The following EYA3 variants were observed in gnomAD, a reference collection of about 807,000 sequenced individuals.
The protein encoded by EYA3 is protein phosphatase EYA3.
Under a neutral mutation model 80.0 loss-of-function variants are expected in EYA3, and 39 were observed. The ratio of observed to expected loss-of-function variants is 0.49; its 90% CI spans 0.38 to 0.64. The LOEUF is 0.64. Among genes scored for constraint, EYA3 ranks in the 30% least tolerant of loss-of-function variants. EYA3 has a pLI of 0.00. For synonymous variants in EYA3, 206 were observed against 232.8 expected (o/e 0.88, Z 1.05); for missense variants, 523 against 676.1 (o/e 0.77, Z 2.51).
chr1:28,024,551 G>A (rs1450294110), intron 7 of EYA3, among the ~76,000 whole-genome samples: 1 of 151,866 alleles, frequency 6.6e-6, no homozygotes, highest in Non-Finnish European at 1.5e-5. Context: ...CAGCTACACG[G>A]GAGGCTGAGG....
At chr1:28,034,465 C>T (rs1288005520) in intron 6 of EYA3, among the ~76,000 whole-genome samples, 1 of 152,038 alleles carries the variant, frequency 6.6e-6, no homozygotes, top group African/African-American at 2.4e-5. Context: ...GATCTGAGTA[C>T]CCTGGCTGGT....
chr1:28,003,218 T>C (rs7521893), intron 11 of EYA3, among the ~76,000 whole-genome samples: 39,300 of 151,434 alleles, frequency 0.26, 5,182 homozygotes, highest in Non-Finnish European at 0.28. Context: ...TGCAGTGAGC[T>C]GAGATCACGC....
At chr1:28,057,772 T>C (rs1644484227) in intron 2 of EYA3, among the ~76,000 whole-genome samples, 1 of 152,184 alleles carries the variant, frequency 6.6e-6, no homozygotes, top group Non-Finnish European at 1.5e-5. Flanking sequence ...CTTATTTTTT[T>C]AAATGACATT....
At chr1:28,087,713 GAAC>G (rs2148971982) in intron 1 of EYA3, among the ~76,000 whole-genome samples, 1 of 152,300 alleles carries the variant, frequency 6.6e-6, no homozygotes, top group Non-Finnish European at 1.5e-5. Flanking sequence ...ATTCTCATGG[GAAC>G]ACAAAACTGA....
At chr1:27,999,186 C>G (rs1381454834) in intron 12 of EYA3, among the ~76,000 whole-genome samples, 1 of 152,222 alleles carries the variant, frequency 6.6e-6, no homozygotes, top group Non-Finnish European at 1.5e-5. Context: ...TCCCTCCCAC[C>G]TTTGTGTCCT....
Position 28,013,427 on chromosome 1 carries a change from C to T in EYA3, c.586-133G>A. The stretch of plus-strand genomic sequence containing the variant: ...ATTAATTTGACTTCTCATTTACCTA[C>T]CTAAAAGTCTCCAATCTAAATCAAT... On this transcript the variant is annotated intron_variant, in intron 8 of 17. Transcript: ENST00000373871. This position sits in a 1 kb window ranked among gnomAD's most constrained non-coding sequence, Gnocchi z 4.0. The T allele has an allele frequency of 1.3e-6, 1 of 773,662 alleles. No individual in the cohort carries two copies. The allele number at this position is 773,662 out of a possible 1,614,324, so 47.9% of individuals were successfully genotyped here. A position where few individuals can be genotyped will look rare whatever the true frequency, so the allele number is the denominator to read the frequency against.
chr1:28,031,789 A>G (rs1191537452), intron 6 of EYA3: 1 of 152,238 alleles, frequency 6.6e-6, no homozygotes, highest in Non-Finnish European at 1.5e-5. Context: ...GATTATAAAC[A>G]AAGTATATGT....
At chr1:28,086,064 C>T (rs898717963) in intron 1 of EYA3, among the ~76,000 whole-genome samples, 2 of 152,072 alleles carry the variant, frequency 1.3e-5, no homozygotes, top group African/African-American at 4.8e-5. Flanking sequence ...TAGTCTCATT[C>T]ATATATGACA....
chr1:28,076,603 G>C (rs1298009286), intron 1 of EYA3, among the ~76,000 whole-genome samples: 1 of 149,408 alleles, frequency 6.7e-6, no homozygotes, highest in East Asian at 2.0e-4. Context: ...CCCAGGTGGA[G>C]GTTGCAGTGA....
At chr1:28,079,333 C>A (rs1177881329) in intron 1 of EYA3, among the ~76,000 whole-genome samples, 2 of 152,232 alleles carry the variant, frequency 1.3e-5, no homozygotes, top group African/African-American at 4.8e-5. Context: ...CTGTCGCAAA[C>A]CCTAATTACT....
intron 1 of EYA3, among the ~76,000 whole-genome samples, chr1:28,088,065 G>A (rs909602940): frequency 3.3e-5 from 5 of 152,188 alleles, no homozygotes; most frequent in Non-Finnish European, 7.4e-5. Flanking sequence ...AAAGTTGGGG[G>A]ACAAGGAACT....
rs140750489 is a variant in EYA3 at position 28,023,965 on chromosome 1, G to A, written c.499+3824C>T. ...ATAAAAAATAAAGTCTAGGCCAGGC[G>A]CGGTGGCTCACACCTGTCATCTCAA... is the stretch of plus-strand genomic sequence containing the variant. On this transcript the variant is annotated intron_variant, in intron 7 of 17. Coordinates refer to ENST00000373871, the MANE Select transcript of EYA3 (RefSeq NM_001990.4). Among the ~76,000 whole-genome samples, 486 of 152,304 alleles carry A rather than the reference G, an allele frequency of 3.2e-3. 1 individual carries two copies. Among genetic ancestry groups the A allele is most frequent in the Admixed American group, 5.4e-3 (82 of 15,288 alleles).
intron 1 of EYA3, among the ~76,000 whole-genome samples, chr1:28,076,729 T>C (rs1013735474): frequency 6.7e-6 from 1 of 149,568 alleles, no homozygotes; most frequent in Admixed American, 6.6e-5. Flanking sequence ...TAATTGCTTT[T>C]ATAATTTCTT....
chr1:28,010,180 A>G (rs1641589863), intron 10 of EYA3, among the ~76,000 whole-genome samples: 1 of 152,172 alleles, frequency 6.6e-6, no homozygotes, highest in Non-Finnish European at 1.5e-5. Context: ...AAAACGGAAA[A>G]CAGAAAACAA....
chr1:28,079,107 A>G (rs1302717272), intron 1 of EYA3, among the ~76,000 whole-genome samples: 1 of 152,198 alleles, frequency 6.6e-6, no homozygotes, highest in Non-Finnish European at 1.5e-5. Flanking sequence ...TATGAGTATG[A>G]GTTAACACAA....
At chr1:27,996,419 A>G (rs1397510680) in intron 13 of EYA3, among the ~76,000 whole-genome samples, 1 of 152,198 alleles carries the variant, frequency 6.6e-6, no homozygotes, top group Non-Finnish European at 1.5e-5. Flanking sequence ...GAGGAAAAAA[A>G]ACAACTGGGG....
chr1:28,064,242 A>G (rs1644746099), intron 1 of EYA3, among the ~76,000 whole-genome samples: 1 of 152,110 alleles, frequency 6.6e-6, no homozygotes, highest in African/African-American at 2.4e-5. Context: ...ATTTCAAATA[A>G]TGTGTGCATA....
In EYA3 at chr1:28,032,412, T is replaced by C. The variant is rs79200093; in HGVS notation, c.361+3132A>G. Among the ~76,000 whole-genome samples, 1,041 of 152,266 alleles carry C rather than the reference T, an allele frequency of 6.8e-3. 15 individuals carry two copies. The highest frequency in any genetic ancestry group is 0.024 in the African/African-American group (978 of 41,536). On this transcript the variant is annotated intron_variant, in intron 6 of 17. Transcript: ENST00000373871. The stretch of plus-strand genomic sequence containing the variant: ...TATAAATAATGCTTCAATGAGTATG[T>C]TGGTCAGCACATTTTTGTGGGTATC...
chr1:28,024,048 G>A (rs1041014625), intron 7 of EYA3, among the ~76,000 whole-genome samples: 28 of 152,274 alleles, frequency 1.8e-4, no homozygotes, highest in African/African-American at 5.8e-4. Context: ...AGACCAGCCT[G>A]GCCAACATGG....
Sources: allele counts gnomAD v4.1 joint callset (sites outside exome capture counted in the v4.1 genomes callset), GRCh38; gene constraint gnomAD v4.1.1; non-coding constraint Gnocchi (gnomAD v3.1); transcripts MANE v1.5; gene names NCBI Gene and HGNC (gene_info 2026-07-23, HGNC 2026-07-21).